The following CCDC192 variants were observed in gnomAD, a reference collection of about 807,000 sequenced individuals.
CCDC192 encodes coiled-coil domain containing 192.
intron 3 of CCDC192, among the ~76,000 whole-genome samples, chr5:127,760,381 CTA>C (rs1454254386): frequency 2.0e-5 from 3 of 151,850 alleles, no homozygotes; most frequent in Non-Finnish European, 4.4e-5. Context: ...AGGAAGATGC[CTA>C]ATGATTTCCC....
chr5:127,828,061 C>T (rs1319452440), intron 5 of CCDC192, among the ~76,000 whole-genome samples: 1 of 152,176 alleles, frequency 6.6e-6, no homozygotes, highest in Admixed American at 6.5e-5. Flanking sequence ...CACCTGCCAC[C>T]ATGCCCGGCT....
At chr5:127,923,666 C>T (rs948631797) in intron 6 of CCDC192, among the ~76,000 whole-genome samples, 2 of 152,082 alleles carry the variant, frequency 1.3e-5, no homozygotes, top group Non-Finnish European at 1.5e-5. Flanking sequence ...CGTGAGCCTC[C>T]GCGCCCGGCC....
intron 5 of CCDC192, among the ~76,000 whole-genome samples, chr5:127,855,327 A>G (rs1014196701): frequency 1.3e-5 from 2 of 152,210 alleles, no homozygotes; most frequent in Admixed American, 1.3e-4. Flanking sequence ...CTCATCCACA[A>G]GGAGCAACTC....
At chr5:127,832,870 T>TG (rs1255557884) in intron 5 of CCDC192, among the ~76,000 whole-genome samples, 2 of 152,186 alleles carry the variant, frequency 1.3e-5, no homozygotes, top group Non-Finnish European at 2.9e-5. Context: ...CTGTCTACTG[T>TG]GGGTTATCTT....
chr5:127,918,966 TG>T, intron 6 of CCDC192, among the ~76,000 whole-genome samples: 1 of 147,100 alleles, frequency 6.8e-6, no homozygotes, highest in East Asian at 1.9e-4. Flanking sequence ...TGTGTGTGTC[TG>T]TGTGTATATG....
At chr5:127,885,065 T>A (rs1263758748) in intron 6 of CCDC192, among the ~76,000 whole-genome samples, 1 of 152,018 alleles carries the variant, frequency 6.6e-6, no homozygotes, top group Non-Finnish European at 1.5e-5. Context: ...CAGGAAATGG[T>A]GTTCCCTTCC....
chr5:127,721,372 T>C (rs1752011790), intron 2 of CCDC192, among the ~76,000 whole-genome samples: 1 of 152,228 alleles, frequency 6.6e-6, no homozygotes, highest in African/African-American at 2.4e-5. Flanking sequence ...TCCAGCTTCT[T>C]TGCTAACATA....
At chr5:127,931,171 A>G (rs972868220) in intron 6 of CCDC192, among the ~76,000 whole-genome samples, 3 of 151,980 alleles carry the variant, frequency 2.0e-5, no homozygotes, top group African/African-American at 7.3e-5. Flanking sequence ...CCAAAGTCCA[A>G]TCTCTTCCTT....
chr5:127,845,121 C>T (rs1750474130), intron 5 of CCDC192, among the ~76,000 whole-genome samples: 1 of 152,098 alleles, frequency 6.6e-6, no homozygotes, highest in Non-Finnish European at 1.5e-5. Flanking sequence ...CTAGTAAATA[C>T]CACCATCTAA....
At chr5:127,817,564 T>G (rs1749081434) in intron 5 of CCDC192, among the ~76,000 whole-genome samples, 1 of 152,178 alleles carries the variant, frequency 6.6e-6, no homozygotes, top group Non-Finnish European at 1.5e-5. Flanking sequence ...AAGATTCCAT[T>G]GATTGAAAAT....
chr5:127,861,717 C>T (rs750153896), intron 5 of CCDC192, among the ~76,000 whole-genome samples: 3 of 131,822 alleles, frequency 2.3e-5, no homozygotes, highest in South Asian at 2.5e-4. Context: ...GAACATTTGA[C>T]GCTCAAAGCA....
chr5:127,867,193 C>T (rs1008523756), intron 5 of CCDC192, among the ~76,000 whole-genome samples: 5 of 152,142 alleles, frequency 3.3e-5, no homozygotes, highest in South Asian at 2.1e-4. Context: ...CTCAATTTTC[C>T]GGTCCTTGAA....
rs916801794 is a variant in CCDC192 at position 127,731,802 on chromosome 5, A to T, written c.115-22466A>T. On this transcript the variant is annotated intron_variant, in intron 2 of 6. Transcript: ENST00000514853. ...AATGGTGCTGGAGAACTGGCTAGCCATATGCAGAAAATTGAAACTGGTTGC... is the reference window on the plus strand; with the variant it reads ...AATGGTGCTGGAGAACTGGCTAGCCTTATGCAGAAAATTGAAACTGGTTGC... 7.2e-5 allele frequency among the ~76,000 whole-genome samples: 11 copies of T among 152,236 alleles called. 1 individual carries two copies. The highest frequency in any genetic ancestry group is 6.5e-4 in the Admixed American group (10 of 15,286).
intron 3 of CCDC192, among the ~76,000 whole-genome samples, chr5:127,759,174 A>C (rs1754774888): frequency 1.3e-5 from 2 of 152,154 alleles, no homozygotes; most frequent in African/African-American, 4.8e-5. Flanking sequence ...GAGGGTGTAA[A>C]CATGCTAGTT....
At chr5:127,911,775 T>C (rs1003562853) in intron 6 of CCDC192, among the ~76,000 whole-genome samples, 2 of 149,580 alleles carry the variant, frequency 1.3e-5, no homozygotes, top group African/African-American at 2.5e-5. Context: ...GGTGTAATCA[T>C]AGCTCTCTGC....
intron 2 of CCDC192, among the ~76,000 whole-genome samples, chr5:127,733,730 T>C (rs944650031): frequency 1.3e-5 from 2 of 152,072 alleles, no homozygotes; most frequent in African/African-American, 4.8e-5. Context: ...GAGATATTAC[T>C]TCTAAGTCTT....
rs1027317426 is a variant in CCDC192 at position 127,719,835 on chromosome 5, G to GGA, written c.114+12076_114+12077insAG. Among the ~76,000 whole-genome samples, 8 of 134,668 alleles carry GGA rather than the reference G, an allele frequency of 5.9e-5. No homozygotes were observed. In the South Asian group the frequency reaches 1.4e-3, roughly 23 times the overall value. 88.3% of individuals were successfully genotyped at this position (134,668 alleles called of 152,430 possible). On this transcript the variant is annotated intron_variant, in intron 2 of 6. Coordinates refer to ENST00000514853, the MANE Select transcript of CCDC192 (RefSeq NM_001317938.2). ...GCATGGCCAGATCAGAGGAAGGGGC[G>GGA]GGGGAGGTGACACATGCTTTTTAAA...
intron 2 of CCDC192, among the ~76,000 whole-genome samples, chr5:127,710,457 G>A (rs1261921385): frequency 6.6e-6 from 1 of 152,038 alleles, no homozygotes; most frequent in African/African-American, 2.4e-5. Flanking sequence ...TTGTGTCTTG[G>A]TGGTTCTTTA....
intron 6 of CCDC192, among the ~76,000 whole-genome samples, chr5:127,880,011 A>C: frequency 6.6e-6 from 1 of 152,174 alleles, no homozygotes; most frequent in East Asian, 1.9e-4. Context: ...TAGTTCAACC[A>C]TTGTGGAAGT....
Sources: gnomAD v4.1 joint callset for allele counts (sites outside exome capture counted in the v4.1 genomes callset) on GRCh38, gnomAD v4.1.1 for gene constraint, MANE v1.5 for transcripts, NCBI Gene and HGNC (gene_info 2026-07-23, HGNC 2026-07-21) for gene names.